Variants in PRSS50 observed in about 807,000 individuals in gnomAD.
The protein encoded by PRSS50 is probable threonine protease PRSS50.
A neutral mutation model predicts 34.2 loss-of-function variants in PRSS50; 23 were observed. The observed-to-expected ratio is 0.67, with a 90% CI of 0.48 to 0.95. PRSS50 has a LOEUF of 0.95. PRSS50 is among the 40% of genes least tolerant of loss of function. The probability of loss-of-function intolerance (pLI) is 0.00; values close to 1 mark genes in which losing one functional copy is unlikely to be tolerated. For synonymous variants in PRSS50, 224 were observed against 211.2 expected (o/e 1.06, Z -0.53); for missense variants, 484 against 513.4 (o/e 0.94, Z 0.55).
At chr3:46,713,317 C>T (rs1700642559) in intron 4 of PRSS50, among the ~76,000 whole-genome samples, 1 of 152,218 alleles carries the variant, frequency 6.6e-6, no homozygotes, top group African/African-American at 2.4e-5. Context: ...CCCTTGACAC[C>T]ACCTCCACCA....
intron 4 of PRSS50, among the ~76,000 whole-genome samples, chr3:46,713,560 C>G (rs1700645268): frequency 6.6e-6 from 1 of 152,256 alleles, no homozygotes; most frequent in Non-Finnish European, 1.5e-5. Context: ...CAAAGTCACT[C>G]CCAGGTCCTC....
chr3:46,717,853 C>G lies in PRSS50; in HGVS notation c.-29G>C. ...GGGGTGGCAGCCGACTGCGTCTCTC[C>G]GGAAGGCGCTCCCAGTGCCGCCCCC... On this transcript the variant is annotated 5_prime_UTR_variant, in exon 1 of 6. Transcript: ENST00000315170. The surrounding 1 kb of genome is among the most constrained non-coding windows in gnomAD (Gnocchi z 4.5). 1 of 1,458,550 alleles carries G rather than the reference C, an allele frequency of 6.9e-7. No individual in the cohort carries two copies. 90.4% of individuals were successfully genotyped at this position (1,458,550 alleles called of 1,614,324 possible). A position where few individuals can be genotyped will look rare whatever the true frequency, so the allele number is the denominator to read the frequency against.
At chr3:46,714,657 G>A (rs1700658427) in intron 3 of PRSS50, among the ~76,000 whole-genome samples, 156 bp from the exon 4 acceptor site, 1 of 152,046 alleles carries the variant, frequency 6.6e-6, no homozygotes, top group African/African-American at 2.4e-5. Context: ...CCACAGACAT[G>A]AACAGGGCCC....
At position 46,715,623 on chromosome 3, in the gene PRSS50, C is replaced by A; in HGVS notation, c.382G>T (p.Val128Phe). ...EAVARRWPWMVSVRANGTHIC... is the reference protein window; with the variant it reads ...EAVARRWPWMFSVRANGTHIC... ...TGTGTGCCATTGGCCCGCACGCTGA[C>A]CATCCAGGGCCACCGCCGAGCCACG... Residue 128 changes from valine (V) to phenylalanine (F), a missense_variant, in exon 3 of 6, where the codon GTC (valine) becomes TTC (phenylalanine). Physicochemically the swap from Val to Phe is conservative, Grantham distance 50. Coordinates refer to ENST00000315170, the MANE Select transcript of PRSS50 (RefSeq NM_013270.5). This position sits in a 1 kb window ranked among gnomAD's most constrained non-coding sequence, Gnocchi z 5.2. 1 of 1,612,302 alleles carries A rather than the reference C, an allele frequency of 6.2e-7. No homozygotes were observed. Among genetic ancestry groups the A allele is most frequent in the Non-Finnish European group, 8.5e-7 (1 of 1,179,564 alleles).
In PRSS50 at chr3:46,717,673, C is replaced by T. The variant is rs753814674; in HGVS notation, c.107-36G>A. 9.0e-5 allele frequency: 145 copies of T among 1,603,756 alleles called. No homozygotes were observed. The highest frequency in any genetic ancestry group is 1.2e-4 in the Non-Finnish European group (142 of 1,175,402). On this transcript the variant is annotated intron_variant, in intron 1 of 5. Coordinates refer to ENST00000315170, the MANE Select transcript of PRSS50 (RefSeq NM_013270.5). The surrounding 1 kb of genome is among the most constrained non-coding windows in gnomAD (Gnocchi z 4.5). ...CGTCGAGCGGATTAGAGGTGGAAGG[C>T]GAGGGCCGCGTCAGGCGGGTGGGGT...
rs199560282 is a variant in PRSS50 at position 46,712,895 on chromosome 3, G to T, written c.921+6C>A. 5.0e-6 allele frequency: 8 copies of T among 1,612,872 alleles called. No individual in the cohort carries two copies. The South Asian group carries it at 8.8e-5, about 18-fold the overall frequency. On this transcript the variant is annotated splice_donor_region_variant and intron_variant, in intron 5 of 5. Coordinates refer to ENST00000315170, the MANE Select transcript of PRSS50 (RefSeq NM_013270.5). ...GAAGGGGAGTGAGCGAGGAGAGGCC[G>T]CTCACATAGCAGAACTTCTCCCTGT...
At position 46,713,023 on chromosome 3, in the gene PRSS50, T is replaced by C. The variant is rs754679092; in HGVS notation, c.799A>G (p.Ile267Val). ...TTGTCACACTCTTTGTTGTTCAGGA[T>C]GATGACTTCCTTCTCCTGAATGGTC... is the stretch of plus-strand genomic sequence containing the variant. ...FRTIQEKEVI[I>V]LNNKECDNFY... is the part of the protein sequence containing the mutation. Residue 267 changes from isoleucine to valine, a missense_variant, in exon 5 of 6, where the codon ATC becomes GTC. Ile to Val is a conservative substitution (Grantham distance 29). Coordinates refer to ENST00000315170, the MANE Select transcript of PRSS50 (RefSeq NM_013270.5). 1.1e-5 allele frequency: 18 copies of C among 1,614,098 alleles called. No individual in the cohort carries two copies. Among genetic ancestry groups the C allele is most frequent in the Non-Finnish European group, 1.5e-5 (18 of 1,180,038 alleles).
In PRSS50 at chr3:46,714,512, C is replaced by T. The variant is rs772956125; in HGVS notation, c.471-11G>A. ...TAGATAACATCACGCCTAGGGGGGC[C>T]GTGAGGGGAGGCCATGATCAGCTCC... On this transcript the variant is annotated splice_polypyrimidine_tract_variant and intron_variant, in intron 3 of 5. Transcript: ENST00000315170. 2 of 1,560,510 alleles carry T rather than the reference C, an allele frequency of 1.3e-6. No individual in the cohort carries two copies. The highest frequency in any genetic ancestry group is 1.7e-6 in the Non-Finnish European group (2 of 1,154,784).
chr3:46,714,152 C>A, intron 4 of PRSS50, 66 bp downstream of exon 4: 1 of 1,552,904 alleles, frequency 6.4e-7, no homozygotes, highest in Non-Finnish European at 8.7e-7. Flanking sequence ...TCTGTGGTGG[C>A]ACCCTGGCCT....
chr3:46,712,830 C>G, intron 5 of PRSS50, 71 bp downstream of exon 5: 1 of 1,419,374 alleles, frequency 7.0e-7, no homozygotes, highest in Non-Finnish European at 9.6e-7. Flanking sequence ...CTCCACCGTT[C>G]CGCTCTCCCT....
In PRSS50 at chr3:46,714,404, T is replaced by C. The variant is rs1394681299; in HGVS notation, c.568A>G (p.Ser190Gly). 1 of 1,613,322 alleles carries C rather than the reference T, an allele frequency of 6.2e-7. No homozygotes were observed. Among genetic ancestry groups the C allele is most frequent in the Non-Finnish European group, 8.5e-7 (1 of 1,179,782 alleles). Residue 190 changes from serine to glycine, a missense_variant, in exon 4 of 6, where the codon AGC becomes GGC. By Grantham distance (56) the Ser-to-Gly change is moderately conservative. Coordinates refer to ENST00000315170, the MANE Select transcript of PRSS50 (RefSeq NM_013270.5). Reference sequence around the variant, plus strand: ...CAGAACCGCTGGGCCCGGTACCTGCTATGCATGATGACCTGGAGCACCGGG... The same window carrying C: ...CAGAACCGCTGGGCCCGGTACCTGCCATGCATGATGACCTGGAGCACCGGG... The part of the protein sequence containing the change: ...DVPVLQVIMH[S>G]RYRAQRFWSW...
chr3:46,717,858 G>C lies in PRSS50; in HGVS notation c.-34C>G, dbSNP rs1245055757. On this transcript the variant is annotated 5_prime_UTR_variant, in exon 1 of 6. Transcript: ENST00000315170. This position sits in a 1 kb window ranked among gnomAD's most constrained non-coding sequence, Gnocchi z 4.5. ...GGCAGCCGACTGCGTCTCTCCGGAA[G>C]GCGCTCCCAGTGCCGCCCCCACGAC... is the stretch of plus-strand genomic sequence containing the variant. The C allele has an allele frequency of 3.4e-6, 5 of 1,449,440 alleles. No homozygotes were observed. The Admixed American group carries it at 1.4e-4, about 40-fold the overall frequency. The allele number at this position is 1,449,440 out of a possible 1,614,324, so 89.8% of individuals were successfully genotyped here.
Position 46,712,348 on chromosome 3 carries a change from C to G in PRSS50, c.1056G>C (p.Trp352Cys). 6 of 1,613,864 alleles carry G rather than the reference C, an allele frequency of 3.7e-6. No homozygotes were observed. The highest frequency in any genetic ancestry group is 5.1e-6 in the Non-Finnish European group (6 of 1,179,954). The change falls in exon 6 of 6, where the codon TGG becomes TGC. Residue 352 changes from tryptophan (W) to cysteine (C), a missense_variant. Trp to Cys is a radical substitution (Grantham distance 215, BLOSUM62 -2). Coordinates refer to ENST00000315170, the MANE Select transcript of PRSS50 (RefSeq NM_013270.5). ...IYLQVSSYQH[W>C]IWDCLNGQAL... Reference sequence around the variant, plus strand: ...CCTGCCCGTTGAGGCAGTCCCAGATCCAGTGTTGGTAGGAGGAGACCTGTA... The same window carrying G: ...CCTGCCCGTTGAGGCAGTCCCAGATGCAGTGTTGGTAGGAGGAGACCTGTA...
Position 46,714,472 on chromosome 3 carries a change from C to T in PRSS50, c.500G>A (p.Gly167Glu), listed in dbSNP as rs1417546482. The change falls in exon 4 of 6, where the codon GGG becomes GAG. Residue 167 changes from glycine (G) to glutamate (E), a missense_variant. Coordinates refer to ENST00000315170, the MANE Select transcript of PRSS50 (RefSeq NM_013270.5). ...WRDVIYSVRVGSPWIDQMTQT... is the reference protein window; with the variant it reads ...WRDVIYSVRVESPWIDQMTQT... ...CGTCATCTGGTCAATCCACGGACTC[C>T]CCACCCTCACTGAGTAGATAACATC... is the stretch of plus-strand genomic sequence containing the variant. 13 of 1,604,366 alleles carry T rather than the reference C, an allele frequency of 8.1e-6. No individual in the cohort carries two copies. Among genetic ancestry groups the T allele is most frequent in the Non-Finnish European group, 1.1e-5 (13 of 1,176,438 alleles).
In PRSS50 at chr3:46,717,756, A is replaced by C; in HGVS notation, c.69T>G (p.Gly23=). 1.3e-6 allele frequency: 2 copies of C among 1,585,576 alleles called. No individual in the cohort carries two copies. Among genetic ancestry groups the C allele is most frequent in the Non-Finnish European group, 1.7e-6 (2 of 1,167,120 alleles). The part of the protein sequence containing the change: ...RPRTSAPSRA[G]ALLLLLLLLR... ...GCAACAGAAGCAGCAGCAGCAGGGCACCGGCGCGGGAGGGGGCAGACGTCC... is the reference window on the plus strand; with the variant it reads ...GCAACAGAAGCAGCAGCAGCAGGGCCCCGGCGCGGGAGGGGGCAGACGTCC... The change falls in exon 1 of 6, where the codon GGT becomes GGG. Residue 23 remains glycine, a synonymous_variant. Transcript: ENST00000315170. The surrounding 1 kb of genome is among the most constrained non-coding windows in gnomAD (Gnocchi z 4.5).
rs577855502 is a variant in PRSS50, at chr3:46,713,633, G to A, written c.755-566C>T. Among the ~76,000 whole-genome samples the A allele has an allele frequency of 6.6e-5, 10 of 152,372 alleles. No individual in the cohort carries two copies. In the South Asian group the frequency reaches 8.3e-4, roughly 13 times the overall value. ...TAAGTTGGTTCCTTGAGGCCACAGG[G>A]AAGGGCATCTCTCTTATGGGCTGGG... is the stretch of plus-strand genomic sequence containing the variant. On this transcript the variant is annotated intron_variant, in intron 4 of 5. Coordinates refer to ENST00000315170, the MANE Select transcript of PRSS50 (RefSeq NM_013270.5).
intron 5 of PRSS50, 126 bp from the exon 6 acceptor site, chr3:46,712,608 G>A (rs1700634510): frequency 5.4e-6 from 5 of 919,122 alleles, no homozygotes; most frequent in South Asian, 4.9e-5. Context: ...ACATAGGTGA[G>A]AAGTGCTCCA....
chr3:46,713,540 G>A (rs1401834718), intron 4 of PRSS50, among the ~76,000 whole-genome samples: 2 of 152,378 alleles, frequency 1.3e-5, no homozygotes, highest in Admixed American at 1.3e-4. Context: ...ACAGGCCACA[G>A]CAGGGATGAC....
Position 46,713,084 on chromosome 3 carries a change from C to T in PRSS50, c.755-17G>A. The T allele has an allele frequency of 6.2e-7, 1 of 1,612,412 alleles. No homozygotes were observed. Among genetic ancestry groups the T allele is most frequent in the Non-Finnish European group, 8.5e-7 (1 of 1,178,922 alleles). On this transcript the variant is annotated splice_polypyrimidine_tract_variant and intron_variant, in intron 4 of 5. Coordinates refer to ENST00000315170, the MANE Select transcript of PRSS50 (RefSeq NM_013270.5). ...GCCACATGCCTGTGGGACAGGGCCCCATTTAGGCGCAGCCACTCACCGCTG... is the reference window on the plus strand; with the variant it reads ...GCCACATGCCTGTGGGACAGGGCCCTATTTAGGCGCAGCCACTCACCGCTG...
Sources: allele counts gnomAD v4.1 joint callset (sites outside exome capture counted in the v4.1 genomes callset), GRCh38; gene constraint gnomAD v4.1.1; non-coding constraint Gnocchi (gnomAD v3.1); transcripts MANE v1.5; gene names NCBI Gene and HGNC (gene_info 2026-07-23, HGNC 2026-07-21).